Variants in AXDND1 observed in about 807,000 individuals in gnomAD.
AXDND1 encodes axonemal dynein light chain domain containing 1, also known as axonemal dynein light chain domain-containing protein 1.
A neutral mutation model predicts 137.5 loss-of-function variants in AXDND1; 110 were observed. The observed-to-expected ratio is 0.80, with a 90% CI of 0.69 to 0.94. AXDND1 has a LOEUF of 0.94. Ranked by LOEUF, AXDND1 falls within the 40% of genes least tolerant of loss-of-function variation. The pLI is 0.00. For synonymous variants in AXDND1, 414 were observed against 399.7 expected (o/e 1.04, Z -0.43); for missense variants, 1,191 against 1,169.8 (o/e 1.02, Z -0.26).
At chr1:179,491,817 A>G (rs1473900309) in intron 19 of AXDND1, 80 bp downstream of exon 19, 1 of 1,221,468 alleles carries the variant, frequency 8.2e-7, no homozygotes, top group Non-Finnish European at 1.1e-6. Context: ...AAGTAGTAGC[A>G]ATAGGAGTTA....
chr1:179,474,569 G>A (rs1664371464), intron 17 of AXDND1, among the ~76,000 whole-genome samples: 2 of 152,272 alleles, frequency 1.3e-5, no homozygotes, highest in East Asian at 3.9e-4. Context: ...CTTTAGTAAA[G>A]AGACTGGTGG....
rs115948138 is a variant in AXDND1 at position 179,457,238 on chromosome 1, G to A, written c.1799-11205G>A. 855 of 712,812 alleles carry A rather than the reference G, an allele frequency of 1.2e-3. 7 individuals are homozygous for A. The African/African-American group carries it at 0.013, about 11-fold the overall frequency. 44.2% of individuals were successfully genotyped at this position (712,812 alleles called of 1,614,324 possible). A position where few individuals can be genotyped will look rare whatever the true frequency, so the allele number is the denominator to read the frequency against. ...TGAGCATTCCTCATTGCTCAAAATG[G>A]CTTCTCAGGCTCTCGTTGCTTGTTT... On this transcript the variant is annotated intron_variant, in intron 16 of 25. Coordinates refer to ENST00000367618, the MANE Select transcript of AXDND1 (RefSeq NM_144696.6).
Position 179,408,632 on chromosome 1 carries a change from C to T in AXDND1, c.1110-2514C>T, listed in dbSNP as rs181644211. Among the ~76,000 whole-genome samples the T allele has an allele frequency of 5.3e-3, 803 of 152,250 alleles. 9 individuals carry two copies. The highest frequency in any genetic ancestry group is 0.019 in the African/African-American group (780 of 41,564). Reference sequence around the variant, plus strand: ...TGACCTTAAGTGATCCCACCTCGGCCTCCCAAAGTGCTGAGGTTACAGGCA... The same window carrying T: ...TGACCTTAAGTGATCCCACCTCGGCTTCCCAAAGTGCTGAGGTTACAGGCA... On this transcript the variant is annotated intron_variant, in intron 11 of 25. Coordinates refer to ENST00000367618, the MANE Select transcript of AXDND1 (RefSeq NM_144696.6).
In AXDND1 at chr1:179,526,023, C is replaced by T. The variant is rs1670501985; in HGVS notation, c.2610+576C>T. Among the ~76,000 whole-genome samples, 15 of 152,068 alleles carry T rather than the reference C, an allele frequency of 9.9e-5. 1 individual carries two copies. Among genetic ancestry groups the T allele is most frequent in the Admixed American group, 9.8e-4 (15 of 15,260 alleles). On this transcript the variant is annotated intron_variant, in intron 22 of 25. Coordinates refer to ENST00000367618, the MANE Select transcript of AXDND1 (RefSeq NM_144696.6). Reference sequence around the variant, plus strand: ...CCATTTCCCATTAGCCTCATTTATACTTTTATTCCTATTAACTACACAATC... The same window carrying T: ...CCATTTCCCATTAGCCTCATTTATATTTTTATTCCTATTAACTACACAATC...
At chr1:179,535,188 T>C (rs1671417087) in intron 25 of AXDND1, 1 of 585,080 alleles carries the variant, frequency 1.7e-6, no homozygotes, top group Non-Finnish European at 2.8e-6. Context: ...GTAGCTCAGA[T>C]ACAATTTTTA....
intron 22 of AXDND1, among the ~76,000 whole-genome samples, chr1:179,526,259 G>GTAA (rs141678377): frequency 3.3e-5 from 5 of 151,670 alleles, no homozygotes; most frequent in East Asian, 1.9e-4. Flanking sequence ...TGGGACATTT[G>GTAA]TAATAATAAT....
chr1:179,375,246 C>T (rs1571531242), intron 4 of AXDND1, among the ~76,000 whole-genome samples: 1 of 151,624 alleles, frequency 6.6e-6, no homozygotes, highest in African/African-American at 2.4e-5. Context: ...TGACAGGTGC[C>T]TGCCACCACA....
At chr1:179,390,000 G>T (rs1649889220) in intron 9 of AXDND1, among the ~76,000 whole-genome samples, 1 of 151,208 alleles carries the variant, frequency 6.6e-6, no homozygotes, top group Admixed American at 6.6e-5. Flanking sequence ...CAGGCTTAGG[G>T]TGTAACACCT....
At chr1:179,386,881 C>T (rs1244865856) in intron 9 of AXDND1, among the ~76,000 whole-genome samples, 1 of 151,984 alleles carries the variant, frequency 6.6e-6, no homozygotes, top group South Asian at 2.1e-4. Flanking sequence ...TGTGCCACCA[C>T]ACCCAGCTAA....
chr1:179,539,326 A>C (rs1341528187), intron 25 of AXDND1, among the ~76,000 whole-genome samples: 3 of 152,208 alleles, frequency 2.0e-5, no homozygotes, highest in African/African-American at 7.2e-5. Flanking sequence ...AGTGACTGGT[A>C]CCGATTGTTT....
intron 20 of AXDND1, among the ~76,000 whole-genome samples, chr1:179,502,871 G>A (rs1252006249): frequency 6.6e-6 from 1 of 151,922 alleles, no homozygotes; most frequent in South Asian, 2.1e-4. Flanking sequence ...TGAGACGGGT[G>A]GATCACCTGA....
chr1:179,462,231 G>A (rs1266294746), intron 16 of AXDND1, among the ~76,000 whole-genome samples: 2 of 152,116 alleles, frequency 1.3e-5, no homozygotes, highest in African/African-American at 2.4e-5. Flanking sequence ...TCAATAGCTA[G>A]TTTATTGAGA....
intron 21 of AXDND1, among the ~76,000 whole-genome samples, chr1:179,521,758 ATT>A (rs34139679): frequency 0.49 from 60,948 of 123,280 alleles, 14,497 homozygotes; most frequent in Non-Finnish European, 0.56. Context: ...TCATTCTTAC[ATT>A]TTTTTTTTTT....
intron 9 of AXDND1, among the ~76,000 whole-genome samples, chr1:179,386,970 G>A (rs2125108707): frequency 6.6e-6 from 1 of 151,776 alleles, no homozygotes; most frequent in South Asian, 2.1e-4. Flanking sequence ...AGACATTTTT[G>A]CTTTCATCTC....
intron 9 of AXDND1, among the ~76,000 whole-genome samples, chr1:179,393,561 G>A (rs779035242): frequency 6.6e-6 from 1 of 152,020 alleles, no homozygotes; most frequent in Non-Finnish European, 1.5e-5. Context: ...GAGTTTGGCA[G>A]TATGGTCATT....
intron 18 of AXDND1, among the ~76,000 whole-genome samples, chr1:179,488,645 T>C (rs751265747): frequency 0.086 from 6,009 of 70,124 alleles, 567 homozygotes; most frequent in Middle Eastern, 0.21. Context: ...CTTTCTTTCT[T>C]TCTTTCTTTC....
intron 12 of AXDND1, among the ~76,000 whole-genome samples, chr1:179,417,971 TTTA>T (rs1423291495): frequency 6.6e-6 from 1 of 150,472 alleles, no homozygotes. Context: ...TTTATTTTTA[TTTA>T]TTTATTTTTA....
intron 21 of AXDND1, among the ~76,000 whole-genome samples, chr1:179,523,020 G>T (rs1305695229): frequency 6.6e-6 from 1 of 151,708 alleles, no homozygotes; most frequent in Non-Finnish European, 1.5e-5. Context: ...CCCAGAGGAT[G>T]TTTTTAAATC....
chr1:179,408,780 A>T (rs1291856681), intron 11 of AXDND1, among the ~76,000 whole-genome samples: 9 of 152,110 alleles, frequency 5.9e-5, no homozygotes, highest in Non-Finnish European at 1.2e-4. Flanking sequence ...TCAATGCTCA[A>T]GCAATCCTTA....
Sources: allele counts gnomAD v4.1 joint callset (sites outside exome capture counted in the v4.1 genomes callset), GRCh38; gene constraint gnomAD v4.1.1; transcripts MANE v1.5; gene names NCBI Gene and HGNC (gene_info 2026-07-23, HGNC 2026-07-21).